Variants in SCARA3 observed in about 807,000 individuals in gnomAD.
The protein encoded by SCARA3 is scavenger receptor class A member 3.
In SCARA3, 39 loss-of-function variants were observed where a neutral mutation model predicts 47.0. The observed-to-expected ratio is 0.83, with a 90% CI of 0.64 to 1.08. The LOEUF (loss-of-function observed/expected upper bound fraction) is 1.08. SCARA3 is among the 50% of genes least tolerant of loss of function. The probability of loss-of-function intolerance (pLI) is 0.00; values close to 1 mark genes in which losing one functional copy is unlikely to be tolerated. For missense variants in SCARA3, 724 were observed against 792.3 expected (o/e 0.91, Z 1.04); for synonymous variants, 356 against 334.1 (o/e 1.07, Z -0.71).
chr8:27,701,283 A>T, the SCARA3 span: 1 of 152,210 alleles, frequency 6.6e-6, no homozygotes, highest in Non-Finnish European at 1.5e-5. Flanking sequence ...TTAGGATGGG[A>T]TTAACTACAA....
the SCARA3 span, among the ~76,000 whole-genome samples, chr8:27,699,239 G>A: frequency 1.1e-4 from 16 of 139,676 alleles, no homozygotes; most frequent in African/African-American, 1.9e-4. Context: ...GCAAGACTCC[G>A]TCTCAAATAA....
At chr8:27,679,930 T>C (rs1802333347), downstream of SCARA3, 1 of 152,176 alleles carries the variant, frequency 6.6e-6, no homozygotes. Context: ...AGTCTTCCTT[T>C]TTTTTAATCC....
chr8:27,662,163 C>T lies in SCARA3; in HGVS notation c.1369+2624C>T, dbSNP rs867810720. Among the ~76,000 whole-genome samples, 4 of 152,204 alleles carry T rather than the reference C, an allele frequency of 2.6e-5. No homozygotes were observed. The South Asian group carries it at 8.3e-4, about 32-fold the overall frequency. Reference sequence around the variant, plus strand: ...CATAGGAACAGGAAGTAAAAATTTTCTAGTGGGTCACCAGTATAAGAATAA... The same window carrying T: ...CATAGGAACAGGAAGTAAAAATTTTTTAGTGGGTCACCAGTATAAGAATAA... On this transcript the variant is annotated intron_variant, in intron 5 of 5. Transcript: ENST00000301904.
intron 1 of SCARA3, among the ~76,000 whole-genome samples, chr8:27,646,640 T>TACAGCCC (rs1801499120): frequency 6.6e-6 from 1 of 152,048 alleles, no homozygotes; most frequent in Non-Finnish European, 1.5e-5. Context: ...CAGTGGTGAA[T>TACAGCCC]ACAGCCCACA....
chr8:27,671,759 CACAT>C lies in SCARA3; in HGVS notation c.*409_*412del. 1 of 1,006,532 alleles carries C rather than the reference CACAT, an allele frequency of 9.9e-7. No homozygotes were observed. Among genetic ancestry groups the C allele is most frequent in the Non-Finnish European group, 1.2e-6 (1 of 843,926 alleles). The allele number at this position is 1,006,532 out of a possible 1,614,324, so 62.4% of individuals were successfully genotyped here. ...ATGCACACATATATGCACAGGCACA[CACAT>C]GTACGCACACACACATGCACTGCAC... On this transcript the variant is annotated 3_prime_UTR_variant, in exon 6 of 6. Coordinates refer to ENST00000301904, the MANE Select transcript of SCARA3 (RefSeq NM_016240.3).
chr8:27,694,986 T>C, the SCARA3 span, among the ~76,000 whole-genome samples: 1 of 152,276 alleles, frequency 6.6e-6, no homozygotes, highest in South Asian at 2.1e-4. Context: ...AGGGTTTCGA[T>C]GCACATGCAC....
the SCARA3 span, among the ~76,000 whole-genome samples, chr8:27,719,787 C>T: frequency 6.6e-6 from 1 of 152,088 alleles, no homozygotes; most frequent in Non-Finnish European, 1.5e-5. Flanking sequence ...TAATTGTCTC[C>T]CTTCCCAACT....
At position 27,672,114 on chromosome 8, in the gene SCARA3, GA is replaced by G; in HGVS notation, c.*764del. 3 of 985,450 alleles carry G rather than the reference GA, an allele frequency of 3.0e-6. No individual in the cohort carries two copies. The highest frequency in any genetic ancestry group is 3.6e-6 in the Non-Finnish European group (3 of 829,960). 61.0% of individuals were successfully genotyped at this position (985,450 alleles called of 1,614,324 possible). ...CACAAGACCCTCCCCATAAGCAGGGGACCAGCATACCCGGGAGCTGTCCCTG... is the reference window on the plus strand; with the variant it reads ...CACAAGACCCTCCCCATAAGCAGGGGCCAGCATACCCGGGAGCTGTCCCTG... On this transcript the variant is annotated 3_prime_UTR_variant, in exon 6 of 6. Coordinates refer to ENST00000301904, the MANE Select transcript of SCARA3 (RefSeq NM_016240.3).
chr8:27,687,425 TG>T, the SCARA3 span, among the ~76,000 whole-genome samples: 3 of 151,848 alleles, frequency 2.0e-5, no homozygotes. Context: ...TAAAAGACCC[TG>T]GGTAGAGGGA....
chr8:27,669,338 T>C (rs1236669285), intron 5 of SCARA3, among the ~76,000 whole-genome samples: 1 of 152,238 alleles, frequency 6.6e-6, no homozygotes, highest in African/African-American at 2.4e-5. Flanking sequence ...GGCTCTCTGC[T>C]TTTCCAAACC....
At chr8:27,709,710 C>T in the SCARA3 span, among the ~76,000 whole-genome samples, 348 of 152,314 alleles carry the variant, frequency 2.3e-3, 2 homozygotes, top group African/African-American at 8.1e-3. Flanking sequence ...GGGCTGGAGC[C>T]AGGAAATCCA....
chr8:27,672,887 G>A lies in SCARA3; in HGVS notation c.*1536G>A, dbSNP rs541024082. On this transcript the variant is annotated 3_prime_UTR_variant, in exon 6 of 6. Transcript: ENST00000301904. ...GCCCTTCCCTGCTCAAAGCCTTTCC[G>A]CACCCTCCTGACTGTCCTGGATGTG... The A allele has an allele frequency of 5.5e-5, 54 of 985,584 alleles. No homozygotes were observed. In the African/African-American group the frequency reaches 6.6e-4, roughly 12 times the overall value. 61.1% of individuals were successfully genotyped at this position (985,584 alleles called of 1,614,324 possible).
rs185180151 is a variant in SCARA3, at chr8:27,650,140, G to A, written c.106+340G>A. Among the ~76,000 whole-genome samples the A allele has an allele frequency of 1.1e-4, 17 of 151,736 alleles. No individual in the cohort carries two copies. The South Asian group carries it at 1.3e-3, about 11-fold the overall frequency. ...CCCAAGTAGCTGTGACTGTTGGCAC[G>A]CACCACCATGCCTGGATAATTTTTT... On this transcript the variant is annotated intron_variant, in intron 2 of 5. Coordinates refer to ENST00000301904, the MANE Select transcript of SCARA3 (RefSeq NM_016240.3).
chr8:27,659,555 A>G lies in SCARA3; in HGVS notation c.1369+16A>G, dbSNP rs1170769983. On this transcript the variant is annotated intron_variant, in intron 5 of 5. Coordinates refer to ENST00000301904, the MANE Select transcript of SCARA3 (RefSeq NM_016240.3). ...ATCCTACGAGGTAAGAGCTGGGTCCAGGTAGGGCTGCTACAAAGCTTCCAC... is the reference window on the plus strand; with the variant it reads ...ATCCTACGAGGTAAGAGCTGGGTCCGGGTAGGGCTGCTACAAAGCTTCCAC... 1.3e-6 allele frequency: 2 copies of G among 1,576,940 alleles called. No individual in the cohort carries two copies. Among genetic ancestry groups the G allele is most frequent in the Middle Eastern group, 1.7e-4 (1 of 5,908 alleles).
intron 5 of SCARA3, among the ~76,000 whole-genome samples, chr8:27,663,256 G>A (rs542794): frequency 0.36 from 54,425 of 152,164 alleles, 10,711 homozygotes; most frequent in Middle Eastern, 0.52. Flanking sequence ...CAGGACTGCA[G>A]TTGCCCACTT....
At chr8:27,686,133 A>C in the SCARA3 span, among the ~76,000 whole-genome samples, 1 of 152,190 alleles carries the variant, frequency 6.6e-6, no homozygotes, top group Non-Finnish European at 1.5e-5. Context: ...AGGTTTTATT[A>C]TTAGATTATG....
At position 27,658,765 on chromosome 8, in the gene SCARA3, A is replaced by G. The variant is rs763991125; in HGVS notation, c.595A>G (p.Thr199Ala). ...CCAGGTGAGAGGCTGGCAGGCCACC[A>G]CAGCTGGCCTGGACCTCTCTCTGAA... ...LAQVRGWQAT[T>A]AGLDLSLKDL... Residue 199 changes from threonine (T) to alanine (A), a missense_variant, in exon 5 of 6, where the codon ACA becomes GCA. Coordinates refer to ENST00000301904, the MANE Select transcript of SCARA3 (RefSeq NM_016240.3). The G allele has an allele frequency of 6.2e-7, 1 of 1,614,032 alleles. No individual in the cohort carries two copies. Among genetic ancestry groups the G allele is most frequent in the Non-Finnish European group, 8.5e-7 (1 of 1,179,942 alleles).
chr8:27,667,890 G>A lies in SCARA3; in HGVS notation c.1370-3010G>A, dbSNP rs562352516. On this transcript the variant is annotated intron_variant, in intron 5 of 5. Coordinates refer to ENST00000301904, the MANE Select transcript of SCARA3 (RefSeq NM_016240.3). ...ACCCACAAGATGTAGACAGGCCCCCGATAACATCGTCCACTCTATCTTCTC... is the reference window on the plus strand; with the variant it reads ...ACCCACAAGATGTAGACAGGCCCCCAATAACATCGTCCACTCTATCTTCTC... 5.3e-5 allele frequency among the ~76,000 whole-genome samples: 8 copies of A among 152,264 alleles called. No homozygotes were observed. The East Asian group carries it at 1.5e-3, about 29-fold the overall frequency.
chr8:27,724,333 T>C, the SCARA3 span, among the ~76,000 whole-genome samples: 4 of 152,122 alleles, frequency 2.6e-5, no homozygotes, highest in Non-Finnish European at 4.4e-5. Flanking sequence ...AGTAGGAGAA[T>C]ATAGTCCAGA....
Sources: gnomAD v4.1 joint callset for allele counts (sites outside exome capture counted in the v4.1 genomes callset) on GRCh38, gnomAD v4.1.1 for gene constraint, MANE v1.5 for transcripts, NCBI Gene and HGNC (gene_info 2026-07-23, HGNC 2026-07-21) for gene names.